Variants in C12orf50 observed in about 807,000 individuals in gnomAD.
The protein encoded by C12orf50 is uncharacterized protein C12orf50.
C12orf50 carries 35 observed loss-of-function variants against 61.6 expected under a neutral mutation model. The ratio of observed to expected loss-of-function variants is 0.57; its 90% CI spans 0.43 to 0.75. C12orf50 has a LOEUF of 0.75. Among genes scored for constraint, C12orf50 ranks in the 30% least tolerant of loss-of-function variants. The pLI is 0.00. For synonymous variants in C12orf50, 178 were observed against 161.5 expected (o/e 1.10, Z -0.77); for missense variants, 475 against 488.5 (o/e 0.97, Z 0.26).
chr12:88,029,149 G>T (rs1277316999), intron 1 of C12orf50, 191 bp downstream of exon 1: 175 of 1,023,142 alleles, frequency 1.7e-4, no homozygotes, highest in Non-Finnish European at 2.0e-4. Flanking sequence ...TAATCCAATG[G>T]TTTTTTTTTT....
At chr12:88,026,778 G>A (rs2032723472) in intron 2 of C12orf50, among the ~76,000 whole-genome samples, 170 bp from the exon 3 acceptor site, 1 of 152,198 alleles carries the variant, frequency 6.6e-6, no homozygotes. Flanking sequence ...TCAAAAGATG[G>A]AATGGGTATT....
chr12:88,005,915 T>G (rs1418136385), intron 3 of C12orf50, among the ~76,000 whole-genome samples: 1 of 135,306 alleles, frequency 7.4e-6, no homozygotes, highest in Admixed American at 7.2e-5. Flanking sequence ...TTTTTTGGTT[T>G]TTTTTTTTTT....
intron 12 of C12orf50, among the ~76,000 whole-genome samples, chr12:87,981,741 G>A (rs2030484430): frequency 6.6e-6 from 1 of 151,982 alleles, no homozygotes; most frequent in Non-Finnish European, 1.5e-5. Flanking sequence ...TCTCCCACTT[G>A]AGGCTCACAG....
In C12orf50 at chr12:87,987,901, AT is replaced by A; in HGVS notation, c.765del (p.Leu256Ter). 8 of 1,612,108 alleles carry A rather than the reference AT, an allele frequency of 5.0e-6. No individual in the cohort carries two copies. The highest frequency in any genetic ancestry group is 6.8e-6 in the Non-Finnish European group (8 of 1,178,766). On this transcript the variant is annotated frameshift_variant, in exon 9 of 13. Coordinates refer to ENST00000298699, the MANE Select transcript of C12orf50 (RefSeq NM_152589.3). LOFTEE classifies it high-confidence loss of function. ...LTTRLVPTTH[V>X]LNATENISMK... ...ATACTGATATTCTCAGTAGCATTTAATACATGCGTTGTAGGTACTAGTCGGG... is the reference window on the plus strand; with the variant it reads ...ATACTGATATTCTCAGTAGCATTTAAACATGCGTTGTAGGTACTAGTCGGG...
At chr12:88,005,603 C>T (rs1167912843) in intron 3 of C12orf50, among the ~76,000 whole-genome samples, 3 of 152,158 alleles carry the variant, frequency 2.0e-5, no homozygotes, top group Admixed American at 1.3e-4. Flanking sequence ...GTTCCAATCC[C>T]AAAAGAACTC....
rs533029097 is a variant in C12orf50 at position 87,990,829 on chromosome 12, A to G, written c.593-1458T>C. ...AGAACAACAAAGAAGTTCCTCTGAA[A>G]TAGGCATAAAACTCCCTTTAAACTG... On this transcript the variant is annotated intron_variant, in intron 7 of 12. Transcript: ENST00000298699. Among the ~76,000 whole-genome samples, 15 of 151,840 alleles carry G rather than the reference A, an allele frequency of 9.9e-5. No homozygotes were observed. The South Asian group carries it at 3.1e-3, about 31-fold the overall frequency.
intron 3 of C12orf50, among the ~76,000 whole-genome samples, chr12:88,022,987 C>T (rs1180458112): frequency 6.6e-6 from 1 of 152,052 alleles, no homozygotes; most frequent in Non-Finnish European, 1.5e-5. Context: ...ACATTCTTCA[C>T]AGAATTAGAA....
chr12:88,009,252 G>A (rs779493481), intron 3 of C12orf50, among the ~76,000 whole-genome samples: 28 of 152,050 alleles, frequency 1.8e-4, no homozygotes, highest in South Asian at 1.0e-3. Context: ...ACTCGTATCC[G>A]TTTATATATC....
intron 11 of C12orf50, chr12:87,984,806 C>A (rs572416758): frequency 6.6e-6 from 1 of 152,248 alleles, no homozygotes; most frequent in African/African-American, 2.4e-5. Flanking sequence ...TCACACAAAC[C>A]TAGACATTGG....
chr12:88,023,578 G>GA (rs1171006324), intron 3 of C12orf50, among the ~76,000 whole-genome samples: 2 of 150,842 alleles, frequency 1.3e-5, no homozygotes, highest in African/African-American at 2.4e-5. Flanking sequence ...TGGGGCAGGG[G>GA]AATCACTTGA....
At chr12:88,016,672 G>A (rs996081495) in intron 3 of C12orf50, among the ~76,000 whole-genome samples, 7 of 152,188 alleles carry the variant, frequency 4.6e-5, no homozygotes, top group Admixed American at 2.6e-4. Context: ...GATTCCCGGA[G>A]TAGAACTGGC....
chr12:88,013,799 T>C (rs1262734029), intron 3 of C12orf50, among the ~76,000 whole-genome samples: 2 of 152,164 alleles, frequency 1.3e-5, no homozygotes, highest in African/African-American at 4.8e-5. Flanking sequence ...AAAAGTATAA[T>C]GAAGCATCAG....
At chr12:88,014,754 T>G (rs1042868406) in intron 3 of C12orf50, among the ~76,000 whole-genome samples, 1 of 152,218 alleles carries the variant, frequency 6.6e-6, no homozygotes. Flanking sequence ...CCAGTTTTTA[T>G]GATGATTAAA....
intron 3 of C12orf50, among the ~76,000 whole-genome samples, chr12:88,012,816 G>C (rs889595781): frequency 1.3e-5 from 2 of 152,108 alleles, no homozygotes; most frequent in African/African-American, 2.4e-5. Flanking sequence ...TGTAATCCTA[G>C]CACTTTGGGA....
At position 88,029,208 on chromosome 12, in the gene C12orf50, T is replaced by A. The variant is rs1027746611; in HGVS notation, c.-109+132A>T. 1.2e-5 allele frequency: 9 copies of A among 761,064 alleles called. No individual in the cohort carries two copies. The East Asian group carries it at 6.0e-4, about 51-fold the overall frequency. The allele number at this position is 761,064 out of a possible 1,614,324, so 47.1% of individuals were successfully genotyped here. On this transcript the variant is annotated intron_variant, in intron 1 of 12. Transcript: ENST00000298699. The stretch of plus-strand genomic sequence containing the variant: ...GGAATGCAAATACAAGAACTATCAG[T>A]GTGTAAGGGGGAAAAATAATTTCTT...
At chr12:88,028,948 A>G in intron 1 of C12orf50, 2 of 381,166 alleles carry the variant, frequency 5.2e-6, no homozygotes, top group Non-Finnish European at 8.5e-6. Context: ...TTACAAATAT[A>G]AGATATCTTG....
intron 3 of C12orf50, among the ~76,000 whole-genome samples, chr12:88,013,913 G>A (rs1326514695): frequency 1.3e-5 from 2 of 152,204 alleles, no homozygotes; most frequent in East Asian, 3.8e-4. Context: ...CTGAGAGCCT[G>A]TGGGTGAGAC....
intron 3 of C12orf50, 70 bp downstream of exon 3, chr12:88,026,418 C>A: frequency 1.3e-6 from 2 of 1,509,226 alleles, no homozygotes; most frequent in South Asian, 2.6e-5. Context: ...TTAAATGTGT[C>A]ATTCTATGCT....
At chr12:88,026,840 C>G in intron 2 of C12orf50, 111 bp downstream of exon 2, 1 of 1,479,136 alleles carries the variant, frequency 6.8e-7, no homozygotes, top group East Asian at 2.3e-5. Flanking sequence ...TGCCTAAAAT[C>G]AAATAGTAGA....
Sources: allele counts gnomAD v4.1 joint callset (sites outside exome capture counted in the v4.1 genomes callset), GRCh38; gene constraint gnomAD v4.1.1; transcripts MANE v1.5; gene names NCBI Gene and HGNC (gene_info 2026-07-23, HGNC 2026-07-21).